FGF13: variants seen among roughly 807,000 people sequenced by gnomAD.
The protein encoded by FGF13 is fibroblast growth factor 13.
FGF13 carries 2 observed loss-of-function variants against 19.5 expected under a neutral mutation model. The ratio of observed to expected loss-of-function variants is 0.10; its 90% CI spans 0.04 to 0.32. The LOEUF (loss-of-function observed/expected upper bound fraction) is 0.32, where lower values mean the gene tolerates loss of function less well. Among genes scored for constraint, FGF13 ranks in the 10% least tolerant of loss-of-function variants. FGF13 has a pLI of 1.00. For missense variants in FGF13, 113 were observed against 192.7 expected, an observed-to-expected ratio of 0.59 and a Z score of 2.45; for synonymous variants, 72 against 76.9, an observed-to-expected ratio of 0.94 and a Z score of 0.33.
At chrX:139,106,111 T>C (rs1378213329) in intron 1 of FGF13, among the ~76,000 whole-genome samples, 1 of 112,177 alleles carries the variant, frequency 8.9e-6, no homozygotes, top group Non-Finnish European at 1.9e-5. Context: ...AAAGCAAACC[T>C]GTGCTTCTAA....
chrX:139,144,970 CAT>C (rs1454177737), intron 1 of FGF13, among the ~76,000 whole-genome samples: 1 of 111,919 alleles, frequency 8.9e-6, no homozygotes, highest in African/African-American at 3.2e-5. Context: ...ACATAAGTAA[CAT>C]ATTTTTAAGA....
chrX:139,139,553 C>T (rs1232949541), intron 1 of FGF13, among the ~76,000 whole-genome samples: 2 of 112,345 alleles, frequency 1.8e-5, no homozygotes, highest in Admixed American at 1.9e-4. Context: ...CAGGATTGCA[C>T]AATGGTGATG....
chrX:139,102,617 A>T (rs1218740320), intron 1 of FGF13, among the ~76,000 whole-genome samples: 2 of 112,271 alleles, frequency 1.8e-5, no homozygotes, highest in Non-Finnish European at 3.8e-5. Context: ...AATGATAGGG[A>T]TTACTCTTAT....
intron 1 of FGF13, among the ~76,000 whole-genome samples, chrX:138,983,573 T>C (rs2091973423): frequency 1.8e-5 from 2 of 108,769 alleles, no homozygotes; most frequent in African/African-American, 3.3e-5. Flanking sequence ...ATATACACTG[T>C]TGGTAGGAAC....
chrX:138,744,390 C>T (rs773227416), intron 3 of FGF13, among the ~76,000 whole-genome samples: 23 of 111,685 alleles, frequency 2.1e-4, no homozygotes, highest in Admixed American at 5.7e-4. Context: ...GATATCATGG[C>T]CACAATCATG....
chrX:138,836,981 G>A (rs2091117388), intron 3 of FGF13, among the ~76,000 whole-genome samples: 1 of 109,787 alleles, frequency 9.1e-6, no homozygotes, highest in Non-Finnish European at 1.9e-5. Context: ...GGATTTGCCA[G>A]TACCTGGAGG....
intron 1 of FGF13, among the ~76,000 whole-genome samples, chrX:138,877,796 T>C (rs1004501057): frequency 8.9e-6 from 1 of 112,616 alleles, no homozygotes; most frequent in African/African-American, 3.2e-5. Context: ...TGTGCATATA[T>C]ACAGCACATT....
chrX:138,991,768 T>C (rs1185786958), intron 1 of FGF13, among the ~76,000 whole-genome samples: 1 of 111,984 alleles, frequency 8.9e-6, no homozygotes, highest in Non-Finnish European at 1.9e-5. Flanking sequence ...GTAATATAAC[T>C]TACATTACCA....
rs148704299 is a variant in FGF13, at chrX:138,928,725, C to A, written c.-112-64075G>T. ...CTCACTCCAGTCCCACACCTCCTCA[C>A]TGATGACAAGAATTTTGTCTACAGT... is the stretch of plus-strand genomic sequence containing the variant. On this transcript the variant is annotated intron_variant, in intron 1 of 2. Coordinates refer to the FGF13 transcript ENST00000421460. 4.2e-3 allele frequency among the ~76,000 whole-genome samples: 468 copies of A among 112,244 alleles called. 1 individual carries two copies. Among genetic ancestry groups the A allele is most frequent in the African/African-American group, 0.014 (441 of 30,931 alleles).
Position 138,628,999 on chromosome X carries a change from G to A in FGF13, c.*3851C>T, listed in dbSNP as rs1312682073. 8.9e-6 allele frequency: 1 copy of A among 112,250 alleles called. No homozygotes were observed. Among genetic ancestry groups the A allele is most frequent in the East Asian group, 2.8e-4 (1 of 3,568 alleles). 9.3% of individuals were successfully genotyped at this position (112,250 alleles called of 1,213,427 possible). On this transcript the variant is annotated 3_prime_UTR_variant, in exon 5 of 5. Coordinates refer to ENST00000315930, the MANE Select transcript of FGF13 (RefSeq NM_004114.5). ...CATATTCATTCTCAGGCTAAATACA[G>A]TATAATGATTGAATACACGTTCACA...
downstream of FGF13, among the ~76,000 whole-genome samples, chrX:138,853,542 G>T (rs745431489): frequency 1.2e-4 from 13 of 110,751 alleles, no homozygotes; most frequent in Admixed American, 5.8e-4. Context: ...AACCAAAGCC[G>T]CAATGGTTGG....
At chrX:138,943,915 G>GA (rs1440352553) in intron 1 of FGF13, among the ~76,000 whole-genome samples, 3 of 111,753 alleles carry the variant, frequency 2.7e-5, no homozygotes, top group African/African-American at 9.8e-5. Context: ...TCATGAAAAG[G>GA]AAAGCAAAGG....
At position 138,983,414 on chromosome X, in the gene FGF13, T is replaced by TTATATATATATATATATATATATATA. The variant is rs377155816; in HGVS notation, c.-112-118765_-112-118764insTATATATATATATATATATATATATA. On this transcript the variant is annotated intron_variant, in intron 1 of 2. Coordinates refer to the FGF13 transcript ENST00000421460. ...CACCCTTATCAAAGATAAGTTGATC[T>TTATATATATATATATATATATATATA]TATATATATATATATATATGAGTTT... is the stretch of plus-strand genomic sequence containing the variant. Among the ~76,000 whole-genome samples the TTATATATATATATATATATATATATA allele has an allele frequency of 2.6e-3, 211 of 81,119 alleles. 2 individuals carry two copies. The highest frequency in any genetic ancestry group is 4.4e-3 in the East Asian group (10 of 2,293). The allele number at this position is 81,119 out of a possible 115,157, so 70.4% of individuals were successfully genotyped here. A position where few individuals can be genotyped will look rare whatever the true frequency, so the allele number is the denominator to read the frequency against.
chrX:139,007,212 C>CA (rs1197093351), intron 1 of FGF13, among the ~76,000 whole-genome samples: 2 of 111,335 alleles, frequency 1.8e-5, no homozygotes, highest in Non-Finnish European at 3.8e-5. Flanking sequence ...TTATATGAGA[C>CA]AAAATGGATT....
At chrX:138,731,055 G>A (rs182380721) in intron 1 of FGF13, among the ~76,000 whole-genome samples, 7 of 110,944 alleles carry the variant, frequency 6.3e-5, no homozygotes, top group African/African-American at 2.3e-4. Flanking sequence ...TACTAACAAA[G>A]GCACTACATA....
intron 2 of FGF13, among the ~76,000 whole-genome samples, chrX:138,708,194 C>T (rs912597121): frequency 8.9e-5 from 10 of 112,416 alleles, no homozygotes; most frequent in African/African-American, 3.2e-4. Flanking sequence ...CTTGGAATCA[C>T]CTTCTTTCAG....
intron 1 of FGF13, among the ~76,000 whole-genome samples, chrX:138,943,379 A>C (rs1429339230): frequency 1.8e-5 from 2 of 112,551 alleles, no homozygotes; most frequent in African/African-American, 3.2e-5. Context: ...AGTACACGGC[A>C]ACTAAAGCCC....
At chrX:138,958,904 T>C (rs1159288928) in intron 1 of FGF13, among the ~76,000 whole-genome samples, 1 of 111,838 alleles carries the variant, frequency 8.9e-6, no homozygotes, top group Non-Finnish European at 1.9e-5. Context: ...TATTTGATTC[T>C]TCTCTCTTTT....
At chrX:139,018,752 G>C (rs2092164469) in intron 1 of FGF13, among the ~76,000 whole-genome samples, 1 of 110,393 alleles carries the variant, frequency 9.1e-6, no homozygotes, top group East Asian at 2.9e-4. Flanking sequence ...TCCATCGTTG[G>C]CCATCTCAGG....
Sources: allele counts gnomAD v4.1 joint callset (sites outside exome capture counted in the v4.1 genomes callset), GRCh38; gene constraint gnomAD v4.1.1; transcripts MANE v1.5; gene names NCBI Gene and HGNC (gene_info 2026-07-23, HGNC 2026-07-21).